The following SIKE1 variants were observed in gnomAD, a reference collection of about 807,000 sequenced individuals.
SIKE1 encodes suppressor of IKK epsilon.
A neutral mutation model predicts 25.8 loss-of-function variants in SIKE1; 13 were observed. That is an observed-to-expected ratio of 0.50 (90% CI 0.33 to 0.80). The LOEUF (loss-of-function observed/expected upper bound fraction) is 0.80. Among genes scored for constraint, SIKE1 ranks in the 30% least tolerant of loss-of-function variants. The pLI, the probability that SIKE1 is intolerant of heterozygous loss-of-function variation, is 0.02. For missense variants in SIKE1, 222 were observed against 252.4 expected (o/e 0.88, Z 0.82); for synonymous variants, 86 against 95.5 (o/e 0.90, Z 0.58).
At chr1:114,774,781 C>T (rs545266843) in intron 4 of SIKE1, among the ~76,000 whole-genome samples, 2 of 152,226 alleles carry the variant, frequency 1.3e-5, no homozygotes, top group African/African-American at 4.8e-5. Context: ...GGATATCTTA[C>T]AGTTCTAGAG....
Position 114,773,478 on chromosome 1 carries a change from ATTTG to A in SIKE1, c.*789_*792del, listed in dbSNP as rs1662125276. On this transcript the variant is annotated 3_prime_UTR_variant, in exon 5 of 5. Transcript: ENST00000060969. The stretch of plus-strand genomic sequence containing the variant: ...TAACATTGAAAAACTGACTACTTAT[ATTTG>A]TTTTTTTTATTTTGTGTGTGTTTTT... 6.6e-6 allele frequency: 1 copy of A among 152,082 alleles called. No homozygotes were observed. The highest frequency in any genetic ancestry group is 6.6e-5 in the Admixed American group (1 of 15,266). The allele number at this position is 152,082 out of a possible 1,614,324, so 9.4% of individuals were successfully genotyped here. A position where few individuals can be genotyped will look rare whatever the true frequency, so the allele number is the denominator to read the frequency against.
chr1:114,776,535 T>C, intron 3 of SIKE1, 76 bp from the exon 4 acceptor site: 1 of 930,254 alleles, frequency 1.1e-6, no homozygotes, highest in Non-Finnish European at 1.7e-6. Flanking sequence ...AGCATGTGCA[T>C]TACGATTTTT....
In SIKE1 at chr1:114,780,518, C is replaced by T; in HGVS notation, c.90G>A (p.Val30=). 6.2e-7 allele frequency: 1 copy of T among 1,613,764 alleles called. No individual in the cohort carries two copies. Among genetic ancestry groups the T allele is most frequent in the Middle Eastern group, 1.7e-4 (1 of 5,950 alleles). The change falls in exon 1 of 5, where the codon GTG becomes GTA. Residue 30 remains valine (V), a synonymous_variant. Transcript: ENST00000060969. The part of the protein sequence containing the change: ...REHDAAAESL[V]DQSAALHRRV... ...GCCGGTGCAGCGCCGCCGACTGATC[C>T]ACCAGCGACTCGGCGGCCGCATCGT...
In SIKE1 at chr1:114,772,728, C is replaced by G. The variant is rs1376541345; in HGVS notation, c.*1543G>C. 1 of 152,118 alleles carries G rather than the reference C, an allele frequency of 6.6e-6. No individual in the cohort carries two copies. Among genetic ancestry groups the G allele is most frequent in the African/African-American group, 2.4e-5 (1 of 41,416 alleles). 9.4% of individuals were successfully genotyped at this position (152,118 alleles called of 1,614,324 possible). On this transcript the variant is annotated 3_prime_UTR_variant, in exon 5 of 5. Transcript: ENST00000060969. ...AGGCAGATGGCTGGGCTAATAGTTA[C>G]TTACTTACTCTTGGGAAATGAAATA...
At chr1:114,778,544 G>A (rs1007674844) in intron 3 of SIKE1, among the ~76,000 whole-genome samples, 2 of 152,082 alleles carry the variant, frequency 1.3e-5, no homozygotes, top group Non-Finnish European at 2.9e-5. Flanking sequence ...TGGTGGGAGC[G>A]CTAAGAATTA....
In SIKE1 at chr1:114,772,415, T is replaced by A. The variant is rs1335784780; in HGVS notation, c.*1856A>T. On this transcript the variant is annotated 3_prime_UTR_variant, in exon 5 of 5. Transcript: ENST00000060969. Reference sequence around the variant, plus strand: ...CATAGCATTAACACCAGCCAGAATTTATATTATGTAGAGCACTAAAAGCTT... The same window carrying A: ...CATAGCATTAACACCAGCCAGAATTAATATTATGTAGAGCACTAAAAGCTT... 6.6e-6 allele frequency: 1 copy of A among 152,200 alleles called. No homozygotes were observed. Among genetic ancestry groups the A allele is most frequent in the Non-Finnish European group, 1.5e-5 (1 of 68,030 alleles). The allele number at this position is 152,200 out of a possible 1,614,324, so 9.4% of individuals were successfully genotyped here.
intron 3 of SIKE1, among the ~76,000 whole-genome samples, chr1:114,778,303 T>C (rs564849368): frequency 2.0e-5 from 3 of 152,304 alleles, no homozygotes; most frequent in South Asian, 4.1e-4. Context: ...ACAGAAACTA[T>C]GCCATGTTTG....
intron 4 of SIKE1, among the ~76,000 whole-genome samples, chr1:114,774,705 T>C (rs1662164104): frequency 6.6e-6 from 1 of 152,206 alleles, no homozygotes; most frequent in Non-Finnish European, 1.5e-5. Flanking sequence ...TCCCACAGTT[T>C]TACTATTATT....
chr1:114,774,197 T>G lies in SIKE1; in HGVS notation c.*74A>C. 1 of 1,159,604 alleles carries G rather than the reference T, an allele frequency of 8.6e-7. No homozygotes were observed. Among genetic ancestry groups the G allele is most frequent in the Non-Finnish European group, 1.3e-6 (1 of 786,742 alleles). The allele number at this position is 1,159,604 out of a possible 1,614,324, so 71.8% of individuals were successfully genotyped here. A position where few individuals can be genotyped will look rare whatever the true frequency, so the allele number is the denominator to read the frequency against. ...ATCAAATCTGAGGCAAGACACTTAA[T>G]GGACAGTACTTGAATGGGAAGACAG... On this transcript the variant is annotated 3_prime_UTR_variant, in exon 5 of 5. Coordinates refer to ENST00000060969, the MANE Select transcript of SIKE1 (RefSeq NM_025073.3).
intron 3 of SIKE1, among the ~76,000 whole-genome samples, chr1:114,778,209 T>A: frequency 6.6e-6 from 1 of 152,218 alleles, no homozygotes; most frequent in East Asian, 1.9e-4. Context: ...AATTAAATGA[T>A]ACAGTACACA....
intron 3 of SIKE1, among the ~76,000 whole-genome samples, chr1:114,778,309 G>A (rs959420122): frequency 3.3e-5 from 5 of 152,224 alleles, no homozygotes; most frequent in African/African-American, 1.2e-4. Flanking sequence ...ACTATGCCAT[G>A]TTTGTTTTTT....
At chr1:114,775,319 C>G (rs1662181259) in intron 4 of SIKE1, among the ~76,000 whole-genome samples, 1 of 152,084 alleles carries the variant, frequency 6.6e-6, no homozygotes, top group South Asian at 2.1e-4. Context: ...ACATGAAGTG[C>G]TTCCTTCGGT....
chr1:114,774,416 C>T (rs754982120), intron 4 of SIKE1, 44 bp from the exon 5 acceptor site: 2 of 1,310,594 alleles, frequency 1.5e-6, no homozygotes, highest in Non-Finnish European at 2.2e-6. Context: ...TTTTACTGTC[C>T]AACTGCATTA....
chr1:114,776,739 A>G (rs1043225769), intron 3 of SIKE1, among the ~76,000 whole-genome samples: 1 of 152,070 alleles, frequency 6.6e-6, no homozygotes, highest in South Asian at 2.1e-4. Flanking sequence ...TTGACCCAGC[A>G]ATCCCATTAC....
chr1:114,775,506 T>A (rs1431105746), intron 4 of SIKE1, among the ~76,000 whole-genome samples: 2 of 146,842 alleles, frequency 1.4e-5, no homozygotes, highest in African/African-American at 5.0e-5. Flanking sequence ...TGCTTTGCTT[T>A]TTTTTTTTTT....
intron 3 of SIKE1, among the ~76,000 whole-genome samples, chr1:114,777,236 G>T (rs1034272497): frequency 6.6e-6 from 1 of 151,942 alleles, no homozygotes; most frequent in Non-Finnish European, 1.5e-5. Flanking sequence ...ATGTACCCTA[G>T]AACTTATTTA....
intron 2 of SIKE1, 64 bp downstream of exon 2, chr1:114,780,045 TA>T: frequency 8.7e-7 from 1 of 1,154,558 alleles, no homozygotes; most frequent in Non-Finnish European, 1.3e-6. Context: ...TACACTTTTG[TA>T]AATGTTTAGG....
rs1432974617 is a variant in SIKE1 at position 114,774,190 on chromosome 1, C to G, written c.*81G>C. ...AGATTAAATCAAATCTGAGGCAAGA[C>G]ACTTAATGGACAGTACTTGAATGGG... On this transcript the variant is annotated 3_prime_UTR_variant, in exon 5 of 5. Coordinates refer to ENST00000060969, the MANE Select transcript of SIKE1 (RefSeq NM_025073.3). The G allele has an allele frequency of 5.6e-6, 6 of 1,069,502 alleles. No individual in the cohort carries two copies. The South Asian group carries it at 8.9e-5, about 16-fold the overall frequency. 66.3% of individuals were successfully genotyped at this position (1,069,502 alleles called of 1,614,324 possible).
intron 3 of SIKE1, among the ~76,000 whole-genome samples, chr1:114,778,598 T>C (rs558841838): frequency 1.3e-5 from 2 of 152,260 alleles, no homozygotes; most frequent in African/African-American, 4.8e-5. Context: ...GGGGGAACCT[T>C]AGTCCCACTC....
Sources: allele counts gnomAD v4.1 joint callset (sites outside exome capture counted in the v4.1 genomes callset), GRCh38; gene constraint gnomAD v4.1.1; transcripts MANE v1.5; gene names NCBI Gene and HGNC (gene_info 2026-07-23, HGNC 2026-07-21).